SORCS1: variants seen among roughly 807,000 people sequenced by gnomAD.
SORCS1 encodes the protein VPS10 domain-containing receptor SorCS1.
SORCS1 carries 60 observed loss-of-function variants against 146.1 expected under a neutral mutation model. The ratio of observed to expected loss-of-function variants is 0.41; its 90% confidence interval spans 0.33 to 0.51. The LOEUF (loss-of-function observed/expected upper bound fraction) is 0.51. SORCS1 is among the 20% of genes least tolerant of loss of function. SORCS1 has a pLI of 0.21. For synonymous variants in SORCS1, 637 were observed against 584.0 expected, an observed-to-expected ratio of 1.09 and a Z score of -1.31; for missense variants, 1,352 against 1,487.6, an observed-to-expected ratio of 0.91 and a Z score of 1.50.
chr10:107,134,176 A>T (rs999807795), intron 1 of SORCS1, among the ~76,000 whole-genome samples: 1 of 152,344 alleles, frequency 6.6e-6, no homozygotes, highest in Non-Finnish European at 1.5e-5. Flanking sequence ...GGGAGTTAGA[A>T]ACTGATGTCA....
intron 1 of SORCS1, among the ~76,000 whole-genome samples, chr10:107,058,263 G>A (rs986324286): frequency 2.0e-5 from 3 of 151,950 alleles, no homozygotes; most frequent in East Asian, 2.0e-4. Flanking sequence ...GGATGGTCTC[G>A]ATCTCCCGAC....
intron 1 of SORCS1, among the ~76,000 whole-genome samples, chr10:106,999,728 T>C (rs774783528): frequency 6.6e-6 from 1 of 152,200 alleles, no homozygotes; most frequent in Non-Finnish European, 1.5e-5. Context: ...AGCCTCCAGA[T>C]TATACCTCCT....
rs139094038 is a variant in SORCS1, at chr10:107,002,584, A to G, written c.559-46004T>C. Among the ~76,000 whole-genome samples, 524 of 152,346 alleles carry G rather than the reference A, an allele frequency of 3.4e-3. 3 individuals are homozygous for G. Among genetic ancestry groups the G allele is most frequent in the Admixed American group, 8.9e-3 (137 of 15,310 alleles). ...AAAACCTGGGAGAATGTAAGAACAC[A>G]TAGCATAGCTTTCCTGAATATGCTA... On this transcript the variant is annotated intron_variant, in intron 1 of 25. Coordinates refer to ENST00000263054, the MANE Select transcript of SORCS1 (RefSeq NM_052918.5).
At chr10:107,104,947 T>C (rs961907765) in intron 1 of SORCS1, among the ~76,000 whole-genome samples, 2 of 152,176 alleles carry the variant, frequency 1.3e-5, no homozygotes, top group African/African-American at 4.8e-5. Flanking sequence ...AAGAATGACC[T>C]GAATGCCTGT....
intron 2 of SORCS1, among the ~76,000 whole-genome samples, chr10:106,866,812 C>A (rs1383899435): frequency 6.6e-6 from 1 of 152,234 alleles, no homozygotes; most frequent in South Asian, 2.1e-4. Context: ...CAGAAAACCT[C>A]GACCCTGTGA....
chr10:106,914,202 G>A (rs1328990597), intron 2 of SORCS1, among the ~76,000 whole-genome samples: 1 of 152,236 alleles, frequency 6.6e-6, no homozygotes, highest in Non-Finnish European at 1.5e-5. Flanking sequence ...GGAGGAGGAT[G>A]CTGGGTTTTA....
chr10:107,155,773 C>G (rs1313199024), intron 1 of SORCS1, among the ~76,000 whole-genome samples: 1 of 152,132 alleles, frequency 6.6e-6, no homozygotes, highest in East Asian at 1.9e-4. Context: ...GCTCCTGTTA[C>G]TCTGGTTAGG....
At chr10:107,005,230 T>G (rs1299968939) in intron 1 of SORCS1, among the ~76,000 whole-genome samples, 1 of 150,664 alleles carries the variant, frequency 6.6e-6, no homozygotes, top group Non-Finnish European at 1.5e-5. Context: ...GAGGCTGGGG[T>G]GAGAGATCAC....
chr10:106,983,998 A>G (rs986362274), intron 1 of SORCS1, among the ~76,000 whole-genome samples: 3 of 152,232 alleles, frequency 2.0e-5, no homozygotes, highest in African/African-American at 7.2e-5. Flanking sequence ...TATTTTAAAG[A>G]AAAGCCAGTT....
chr10:106,949,521 G>A (rs1372319421), intron 2 of SORCS1, among the ~76,000 whole-genome samples: 1 of 152,118 alleles, frequency 6.6e-6, no homozygotes. Flanking sequence ...TCTGACTCAA[G>A]GCCATTATTC....
At chr10:107,069,517 A>T (rs1280373127) in intron 1 of SORCS1, among the ~76,000 whole-genome samples, 1 of 152,052 alleles carries the variant, frequency 6.6e-6, no homozygotes, top group African/African-American at 2.4e-5. Context: ...CTGGGATTAC[A>T]GGCACCCACC....
At chr10:106,708,573 C>A (rs1232693917) in intron 7 of SORCS1, among the ~76,000 whole-genome samples, 1 of 152,182 alleles carries the variant, frequency 6.6e-6, no homozygotes, top group Admixed American at 6.5e-5. Flanking sequence ...AGCGTATTTG[C>A]TTCTTGTCTC....
intron 4 of SORCS1, among the ~76,000 whole-genome samples, chr10:106,768,835 T>C (rs183056416): frequency 9.3e-4 from 141 of 152,350 alleles, no homozygotes; most frequent in Admixed American, 1.5e-3. Flanking sequence ...ATCTATGCCA[T>C]GTTTGCTATG....
Position 106,951,426 on chromosome 10 carries a change from C to T in SORCS1, c.626+5087G>A, listed in dbSNP as rs192754407. 1.4e-3 allele frequency among the ~76,000 whole-genome samples: 211 copies of T among 147,350 alleles called. 1 individual carries two copies. The highest frequency in any genetic ancestry group is 3.7e-3 in the Admixed American group (53 of 14,412). On this transcript the variant is annotated intron_variant, in intron 2 of 25. Transcript: ENST00000263054. Reference sequence around the variant, plus strand: ...TAGGGAGGCTGAAGCAAGAGAATGGCGGGTGAACCCAGGAGGCAGAGCTTG... The same window carrying T: ...TAGGGAGGCTGAAGCAAGAGAATGGTGGGTGAACCCAGGAGGCAGAGCTTG...
At chr10:106,659,004 A>C (rs1456295926) in intron 17 of SORCS1, among the ~76,000 whole-genome samples, 3 of 152,220 alleles carry the variant, frequency 2.0e-5, no homozygotes, top group Admixed American at 1.3e-4. Context: ...AGGCAGCCCC[A>C]AAATGGTCAT....
chr10:106,912,664 T>C (rs993854930), intron 2 of SORCS1, among the ~76,000 whole-genome samples: 1 of 152,020 alleles, frequency 6.6e-6, no homozygotes, highest in African/African-American at 2.4e-5. Context: ...GTGCCTGCAT[T>C]GCTTTTTTTG....
chr10:106,582,523 A>G (rs1441344295), intron 24 of SORCS1, among the ~76,000 whole-genome samples: 1 of 152,194 alleles, frequency 6.6e-6, no homozygotes, highest in Non-Finnish European at 1.5e-5. Flanking sequence ...ATACAACAGC[A>G]GCTGCATTTC....
At chr10:107,072,630 T>C (rs1166937737) in intron 1 of SORCS1, among the ~76,000 whole-genome samples, 1 of 151,784 alleles carries the variant, frequency 6.6e-6, no homozygotes, top group African/African-American at 2.4e-5. Context: ...CACACATATA[T>C]AGACACATGG....
intron 1 of SORCS1, among the ~76,000 whole-genome samples, chr10:107,108,070 A>G (rs957797436): frequency 6.6e-6 from 1 of 152,138 alleles, no homozygotes; most frequent in Non-Finnish European, 1.5e-5. Context: ...CCTACAGCAG[A>G]TCTTGAAATG....
Sources: allele counts gnomAD v4.1 joint callset (sites outside exome capture counted in the v4.1 genomes callset), GRCh38; gene constraint gnomAD v4.1.1; transcripts MANE v1.5; gene names NCBI Gene and HGNC (gene_info 2026-07-23, HGNC 2026-07-21).